CNTNAP2: variants seen among roughly 807,000 people sequenced by gnomAD.
CNTNAP2 encodes the protein contactin associated protein 2.
In CNTNAP2, 98 loss-of-function variants were observed where a neutral mutation model predicts 155.2. The ratio of observed to expected loss-of-function variants is 0.63; its 90% CI spans 0.54 to 0.75. The LOEUF (loss-of-function observed/expected upper bound fraction) is 0.75. Ranked by LOEUF, CNTNAP2 falls within the 30% of genes least tolerant of loss-of-function variation. The pLI, the probability that CNTNAP2 is intolerant of heterozygous loss-of-function variation, is 0.00. For synonymous variants in CNTNAP2, 651 were observed against 631.2 expected, an observed-to-expected ratio of 1.03 and a Z score of -0.47; for missense variants, 1,727 against 1,688.1, an observed-to-expected ratio of 1.02 and a Z score of -0.40.
chr7:148,199,034 C>T lies in CNTNAP2; in HGVS notation c.3011-18254C>T, dbSNP rs532164890. Among the ~76,000 whole-genome samples, 5 of 152,134 alleles carry T rather than the reference C, an allele frequency of 3.3e-5. No homozygotes were observed. The East Asian group carries it at 9.7e-4, about 29-fold the overall frequency. ...GAGAAGAGGTGCAGATTAGGGAGGGCATGGCAGGCCATGGTAAGGGCTTGG... is the reference window on the plus strand; with the variant it reads ...GAGAAGAGGTGCAGATTAGGGAGGGTATGGCAGGCCATGGTAAGGGCTTGG... On this transcript the variant is annotated intron_variant, in intron 18 of 23. Coordinates refer to ENST00000361727, the MANE Select transcript of CNTNAP2 (RefSeq NM_014141.6).
intron 1 of CNTNAP2, among the ~76,000 whole-genome samples, chr7:146,680,142 T>C (rs1281252301): frequency 6.6e-6 from 1 of 152,186 alleles, no homozygotes; most frequent in Non-Finnish European, 1.5e-5. Flanking sequence ...ATTATTATTA[T>C]GACCACTTTA....
At chr7:147,945,151 G>T (rs1800797543) in intron 14 of CNTNAP2, among the ~76,000 whole-genome samples, 1 of 151,974 alleles carries the variant, frequency 6.6e-6, no homozygotes, top group Non-Finnish European at 1.5e-5. Context: ...GTTTTGTAAT[G>T]GTTTTACTAC....
At chr7:146,423,338 T>C (rs374458368) in intron 1 of CNTNAP2, among the ~76,000 whole-genome samples, 4 of 152,184 alleles carry the variant, frequency 2.6e-5, no homozygotes, top group African/African-American at 9.7e-5. Flanking sequence ...TATTTATTTT[T>C]CTGAAAATGA....
chr7:147,818,811 A>C (rs1009867118), intron 13 of CNTNAP2, among the ~76,000 whole-genome samples: 1 of 152,206 alleles, frequency 6.6e-6, no homozygotes, highest in Admixed American at 6.5e-5. Flanking sequence ...CTTAAAGGCA[A>C]AATTAGAGCA....
At chr7:146,566,629 G>A (rs534142242) in intron 1 of CNTNAP2, among the ~76,000 whole-genome samples, 55 of 151,998 alleles carry the variant, frequency 3.6e-4, no homozygotes, top group Admixed American at 3.5e-3. Flanking sequence ...CCCGGGAGGC[G>A]GAGGTTGCAG....
chr7:147,035,044 A>C (rs945166679), intron 3 of CNTNAP2, among the ~76,000 whole-genome samples: 2 of 152,128 alleles, frequency 1.3e-5, no homozygotes, highest in African/African-American at 4.8e-5. Flanking sequence ...CCCATATCGC[A>C]TTCTGTTTTG....
At chr7:146,908,822 A>G (rs1025668919) in intron 3 of CNTNAP2, among the ~76,000 whole-genome samples, 15 of 128,906 alleles carry the variant, frequency 1.2e-4, no homozygotes, top group African/African-American at 3.4e-4. Context: ...TGAAGGAAAT[A>G]GAGACACAAA....
intron 3 of CNTNAP2, among the ~76,000 whole-genome samples, chr7:146,845,615 C>G (rs1353695677): frequency 6.6e-6 from 1 of 152,150 alleles, no homozygotes. Flanking sequence ...TAGTCACCCT[C>G]TATGTTTTTC....
intron 13 of CNTNAP2, among the ~76,000 whole-genome samples, chr7:147,690,169 G>A (rs542325370): frequency 6.6e-6 from 1 of 152,092 alleles, no homozygotes; most frequent in African/African-American, 2.4e-5. Flanking sequence ...CTGTGTTGTG[G>A]CCCTGTTTCA....
intron 3 of CNTNAP2, among the ~76,000 whole-genome samples, chr7:146,881,833 T>A (rs1439121761): frequency 6.6e-6 from 1 of 150,646 alleles, no homozygotes; most frequent in African/African-American, 2.4e-5. Context: ...TATTTTAGAG[T>A]CAGGGGATAC....
At chr7:148,040,318 A>C (rs1370664773) in intron 15 of CNTNAP2, among the ~76,000 whole-genome samples, 1 of 152,264 alleles carries the variant, frequency 6.6e-6, no homozygotes, top group Non-Finnish European at 1.5e-5. Flanking sequence ...GCTTACAACC[A>C]CGGAGAGATC....
intron 21 of CNTNAP2, among the ~76,000 whole-genome samples, chr7:148,288,589 A>G (rs1197014617): frequency 6.6e-6 from 1 of 152,248 alleles, no homozygotes; most frequent in Non-Finnish European, 1.5e-5. Flanking sequence ...AGATAATGTA[A>G]AACTATTAAA....
chr7:147,928,928 T>TA (rs1433003926), intron 14 of CNTNAP2, among the ~76,000 whole-genome samples: 11 of 150,780 alleles, frequency 7.3e-5, no homozygotes, highest in African/African-American at 2.5e-4. Flanking sequence ...CCGTCTCTAC[T>TA]AAAAAAATAC....
chr7:147,372,030 G>T (rs1796356758), intron 9 of CNTNAP2, among the ~76,000 whole-genome samples: 1 of 152,078 alleles, frequency 6.6e-6, no homozygotes, highest in South Asian at 2.1e-4. Context: ...GAGAGAGGGT[G>T]CATCTCTCCA....
Position 146,342,669 on chromosome 7 carries a change from G to C in CNTNAP2, c.97+225696G>C, listed in dbSNP as rs146073455. 3.5e-3 allele frequency among the ~76,000 whole-genome samples: 528 copies of C among 152,248 alleles called. 4 individuals are homozygous for C. The highest frequency in any genetic ancestry group is 0.012 in the African/African-American group (509 of 41,550). ...GTTACACAGAATAAGGTGTATCTAT[G>C]TAATAAAGACGTGTAGGATTTGAGT... On this transcript the variant is annotated intron_variant, in intron 1 of 23. Transcript: ENST00000361727.
In CNTNAP2 at chr7:147,134,234, G is replaced by A. The variant is rs140828857; in HGVS notation, c.1348+1725G>A. Among the ~76,000 whole-genome samples the A allele has an allele frequency of 6.9e-3, 1,043 of 151,884 alleles. 13 individuals carry two copies. Among genetic ancestry groups the A allele is most frequent in the African/African-American group, 0.024 (995 of 41,456 alleles). ...AATAAACATGTATTAATTTGATTTG[G>A]TGTAATTTAGTACTCCAAGATACTC... On this transcript the variant is annotated intron_variant, in intron 8 of 23. Transcript: ENST00000361727.
intron 4 of CNTNAP2, among the ~76,000 whole-genome samples, chr7:147,097,953 C>T (rs1422530321): frequency 6.6e-6 from 1 of 152,172 alleles, no homozygotes; most frequent in Non-Finnish European, 1.5e-5. Flanking sequence ...AAATTTTGAT[C>T]TGAAATTCTT....
intron 10 of CNTNAP2, among the ~76,000 whole-genome samples, chr7:147,415,484 C>T (rs558977533): frequency 1.3e-5 from 2 of 152,276 alleles, no homozygotes; most frequent in Admixed American, 1.3e-4. Context: ...ACTTTTTAAG[C>T]GGCTCTTCTT....
At chr7:147,783,563 G>C (rs1797689106) in intron 13 of CNTNAP2, among the ~76,000 whole-genome samples, 1 of 152,040 alleles carries the variant, frequency 6.6e-6, no homozygotes, top group South Asian at 2.1e-4. Context: ...CAGTTCTGGA[G>C]GCCAGAAATT....
Sources: allele counts gnomAD v4.1 joint callset (sites outside exome capture counted in the v4.1 genomes callset), GRCh38; gene constraint gnomAD v4.1.1; transcripts MANE v1.5; gene names NCBI Gene and HGNC (gene_info 2026-07-23, HGNC 2026-07-21).